Variants in SPINK5 observed in about 807,000 individuals in gnomAD.
SPINK5 encodes the protein serine peptidase inhibitor Kazal type 5.
SPINK5 carries 125 observed loss-of-function variants against 151.8 expected under a neutral mutation model. The observed-to-expected ratio is 0.82, with a 90% CI of 0.71 to 0.96. The LOEUF (loss-of-function observed/expected upper bound fraction) is 0.96. Ranked by LOEUF, SPINK5 falls within the 40% of genes least tolerant of loss-of-function variation. SPINK5 has a pLI of 0.00. For missense variants in SPINK5, 1,194 were observed against 1,291.9 expected, an observed-to-expected ratio of 0.92 and a Z score of 1.16; for synonymous variants, 374 against 395.3, an observed-to-expected ratio of 0.95 and a Z score of 0.64.
intron 4 of SPINK5, among the ~76,000 whole-genome samples, chr5:148,084,316 AG>A (rs113331351): frequency 0.032 from 4,798 of 151,828 alleles, 275 homozygotes; most frequent in African/African-American, 0.11. Context: ...CCAGTGCTGG[AG>A]GTTCTGAATC....
At chr5:148,122,194 C>T (rs958018995) in intron 26 of SPINK5, among the ~76,000 whole-genome samples, 11 of 151,826 alleles carry the variant, frequency 7.2e-5, no homozygotes, top group African/African-American at 2.7e-4. Context: ...ATAGAAGAGC[C>T]AAAGACTGAA....
At chr5:148,112,785 A>G in intron 19 of SPINK5, 83 bp from the exon 20 acceptor site, 1 of 1,589,234 alleles carries the variant, frequency 6.3e-7, no homozygotes. Flanking sequence ...GTAATGGACC[A>G]TTTTTATGTA....
At chr5:148,100,725 T>G in intron 13 of SPINK5, 144 bp downstream of exon 13, 1 of 916,314 alleles carries the variant, frequency 1.1e-6, no homozygotes, top group Non-Finnish European at 1.7e-6. Context: ...TGGAGACATG[T>G]ATTTGAAAAT....
chr5:148,117,083 C>T (rs1754114072), intron 22 of SPINK5, among the ~76,000 whole-genome samples: 1 of 152,214 alleles, frequency 6.6e-6, no homozygotes, highest in African/African-American at 2.4e-5. Context: ...CTCCTTGGGT[C>T]TCTGAACACA....
chr5:148,091,366 A>T, intron 8 of SPINK5, 138 bp downstream of exon 8: 1 of 733,456 alleles, frequency 1.4e-6, no homozygotes, highest in Non-Finnish European at 2.3e-6. Context: ...AAAATTCCCC[A>T]AATTGACTAT....
chr5:148,116,955 A>G (rs915170272), intron 22 of SPINK5, among the ~76,000 whole-genome samples: 12 of 152,176 alleles, frequency 7.9e-5, no homozygotes, highest in African/African-American at 2.9e-4. Context: ...ACTGAATTCT[A>G]CTTTCCCTGA....
chr5:148,123,445 C>CTATA (rs201986132), intron 26 of SPINK5, among the ~76,000 whole-genome samples: 1 of 130,354 alleles, frequency 7.7e-6, no homozygotes, highest in African/African-American at 3.0e-5. Flanking sequence ...ATCTATCTAT[C>CTATA]TATATATATA....
intron 3 of SPINK5, among the ~76,000 whole-genome samples, chr5:148,071,652 C>T (rs551105320): frequency 2.8e-5 from 4 of 142,410 alleles, no homozygotes; most frequent in South Asian, 2.4e-4. Context: ...TTATGACTTA[C>T]GTAAATTATG....
chr5:148,065,547 A>T (rs751328815), intron 2 of SPINK5, 175 bp downstream of exon 2: 122 of 28,072 alleles, frequency 4.3e-3, no homozygotes, highest in Middle Eastern at 0.021. Flanking sequence ...CCTCTCTCTC[A>T]CACACACACA....
intron 4 of SPINK5, among the ~76,000 whole-genome samples, chr5:148,080,309 T>C (rs6876628): frequency 0.71 from 107,801 of 150,856 alleles, 39,185 homozygotes; most frequent in East Asian, 0.91. Context: ...GATGGCAATT[T>C]TCCCAATATT....
At chr5:148,114,543 G>A in intron 21 of SPINK5, 54 bp downstream of exon 21, 1 of 1,608,692 alleles carries the variant, frequency 6.2e-7, no homozygotes, top group East Asian at 2.2e-5. Context: ...GGGAAGCAAT[G>A]AGCCAGGCAA....
Position 148,125,592 on chromosome 5 carries a change from C to T in SPINK5, c.2740-131C>T, listed in dbSNP as rs779409560. ...TTAGACAACCTGGGCGTTCCTTGGCCTCTGTTGCCAGGATGAGTACAGTGA... is the reference window on the plus strand; with the variant it reads ...TTAGACAACCTGGGCGTTCCTTGGCTTCTGTTGCCAGGATGAGTACAGTGA... On this transcript the variant is annotated intron_variant, in intron 28 of 32. Transcript: ENST00000256084. 2.5e-6 allele frequency: 4 copies of T among 1,614,126 alleles called. No individual in the cohort carries two copies. The South Asian group carries it at 3.3e-5, about 13-fold the overall frequency.
At chr5:148,129,179 A>G (rs1276766174) in intron 30 of SPINK5, among the ~76,000 whole-genome samples, 2 of 152,222 alleles carry the variant, frequency 1.3e-5, no homozygotes, top group Non-Finnish European at 2.9e-5. Flanking sequence ...CAGCTGTAGA[A>G]GAGGAAGTCA....
chr5:148,096,122 TAATC>T (rs1337765722), intron 10 of SPINK5, among the ~76,000 whole-genome samples: 11 of 152,098 alleles, frequency 7.2e-5, no homozygotes, highest in African/African-American at 2.6e-4. Context: ...TGGAGGCAAT[TAATC>T]AAGTCACATT....
At chr5:148,121,026 T>A (rs10065596) in intron 26 of SPINK5, among the ~76,000 whole-genome samples, 33,739 of 149,814 alleles carry the variant, frequency 0.23, 4,989 homozygotes, top group East Asian at 0.45. Flanking sequence ...GCGCCTATAG[T>A]CCCAGCTACT....
At chr5:148,120,911 G>C (rs2113197446) in intron 26 of SPINK5, among the ~76,000 whole-genome samples, 1 of 152,144 alleles carries the variant, frequency 6.6e-6, no homozygotes, top group South Asian at 2.1e-4. Context: ...TTGAGAAGCT[G>C]AGGCGGGCAG....
In SPINK5 at chr5:148,137,342, A is replaced by G; in HGVS notation, c.*351A>G. 1 of 321,102 alleles carries G rather than the reference A, an allele frequency of 3.1e-6. No individual in the cohort carries two copies. The highest frequency in any genetic ancestry group is 5.5e-6 in the Non-Finnish European group (1 of 181,788). The allele number at this position is 321,102 out of a possible 1,614,324, so 19.9% of individuals were successfully genotyped here. ...ATAATAGATATTTGCTTTTAAAGAA[A>G]CTGAATAAACTCTACCCTTTTGTCT... is the stretch of plus-strand genomic sequence containing the variant. On this transcript the variant is annotated 3_prime_UTR_variant, in exon 33 of 33. Transcript: ENST00000256084.
chr5:148,112,032 T>C, intron 19 of SPINK5, 137 bp downstream of exon 19: 2 of 1,309,624 alleles, frequency 1.5e-6, no homozygotes, highest in East Asian at 2.4e-5. Context: ...GGAAATTTAC[T>C]ATTATAAAGC....
chr5:148,085,108 C>A (rs1561679854), intron 4 of SPINK5, among the ~76,000 whole-genome samples: 1 of 151,634 alleles, frequency 6.6e-6, no homozygotes. Context: ...CTTATATGGC[C>A]ACTGCTTATC....
Sources: gnomAD v4.1 joint callset for allele counts (sites outside exome capture counted in the v4.1 genomes callset) on GRCh38, gnomAD v4.1.1 for gene constraint, MANE v1.5 for transcripts, NCBI Gene and HGNC (gene_info 2026-07-23, HGNC 2026-07-21) for gene names.